The following SPIDR variants were observed in gnomAD, a reference collection of about 807,000 sequenced individuals.
SPIDR encodes the protein DNA repair-scaffolding protein.
A neutral mutation model predicts 104.6 loss-of-function variants in SPIDR; 93 were observed. That is an observed-to-expected ratio of 0.89 (90% CI 0.75 to 1.06). SPIDR has a LOEUF of 1.06. SPIDR is among the 50% of genes least tolerant of loss of function. SPIDR has a pLI of 0.00. For missense variants in SPIDR, 1,154 were observed against 1,111.2 expected (o/e 1.04, Z -0.55); for synonymous variants, 431 against 416.9 (o/e 1.03, Z -0.41).
intron 7 of SPIDR, among the ~76,000 whole-genome samples, chr8:47,416,695 T>C (rs1397938683): frequency 2.0e-5 from 3 of 152,000 alleles, no homozygotes; most frequent in African/African-American, 7.2e-5. Context: ...TATGTATATA[T>C]GTGCCATGTT....
At chr8:47,548,539 TC>T (rs2089881271) in intron 8 of SPIDR, among the ~76,000 whole-genome samples, 1 of 152,118 alleles carries the variant, frequency 6.6e-6, no homozygotes, top group Non-Finnish European at 1.5e-5. Flanking sequence ...TCCCAGCTAC[TC>T]GGGAGGCTGA....
At chr8:47,419,710 T>C (rs1224316175) in intron 7 of SPIDR, among the ~76,000 whole-genome samples, 2 of 152,210 alleles carry the variant, frequency 1.3e-5, no homozygotes, top group African/African-American at 4.8e-5. Context: ...ATTGTGATGT[T>C]AGGGTGTTAA....
At chr8:47,303,172 T>C in intron 5 of SPIDR, among the ~76,000 whole-genome samples, 1 of 152,322 alleles carries the variant, frequency 6.6e-6, no homozygotes, top group South Asian at 2.1e-4. Flanking sequence ...GCCTGGCTGC[T>C]GCCTTGCAGT....
chr8:47,312,109 C>T (rs1189636529), intron 5 of SPIDR, among the ~76,000 whole-genome samples: 8 of 152,138 alleles, frequency 5.3e-5, no homozygotes, highest in African/African-American at 1.9e-4. Flanking sequence ...TTTCTTAATC[C>T]AGTCTATCAT....
intron 10 of SPIDR, among the ~76,000 whole-genome samples, chr8:47,645,568 T>C (rs890307474): frequency 1.3e-5 from 2 of 152,122 alleles, no homozygotes; most frequent in Non-Finnish European, 2.9e-5. Flanking sequence ...CTAGTCTTTA[T>C]AAAAACACTG....
chr8:47,515,866 A>C (rs1355957368), intron 8 of SPIDR, among the ~76,000 whole-genome samples: 1 of 152,146 alleles, frequency 6.6e-6, no homozygotes, highest in East Asian at 1.9e-4. Flanking sequence ...GCTGGAGTGC[A>C]GTGGTGTGAT....
At chr8:47,506,467 T>C (rs2081501367) in intron 8 of SPIDR, among the ~76,000 whole-genome samples, 1 of 152,186 alleles carries the variant, frequency 6.6e-6, no homozygotes, top group Non-Finnish European at 1.5e-5. Context: ...ATTTAGGCAG[T>C]GTTCTGTCTT....
At chr8:47,371,158 AAG>A (rs1422199235) in intron 5 of SPIDR, among the ~76,000 whole-genome samples, 3 of 151,796 alleles carry the variant, frequency 2.0e-5, no homozygotes, top group Admixed American at 2.0e-4. Context: ...GGAAAAAAAA[AAG>A]AAAACCATTA....
At chr8:47,591,950 C>T (rs1321631351) in intron 8 of SPIDR, among the ~76,000 whole-genome samples, 2 of 152,192 alleles carry the variant, frequency 1.3e-5, no homozygotes, top group African/African-American at 4.8e-5. Flanking sequence ...CTTCTAGCTT[C>T]TGCTCATGCT....
At chr8:47,672,330 A>G (rs1401658891) in intron 10 of SPIDR, among the ~76,000 whole-genome samples, 1 of 152,154 alleles carries the variant, frequency 6.6e-6, no homozygotes, top group African/African-American at 2.4e-5. Context: ...CTGTAACTAC[A>G]TATTATTGCT....
At chr8:47,280,495 C>T (rs965629177) in intron 2 of SPIDR, among the ~76,000 whole-genome samples, 1 of 151,202 alleles carries the variant, frequency 6.6e-6, no homozygotes, top group East Asian at 1.9e-4. Context: ...CGGGTTCAAG[C>T]AATTCTCCTG....
chr8:47,488,208 A>G (rs1301285109), intron 8 of SPIDR, among the ~76,000 whole-genome samples: 1 of 152,234 alleles, frequency 6.6e-6, no homozygotes, highest in Non-Finnish European at 1.5e-5. Flanking sequence ...CTACCATCAG[A>G]GAATACTATA....
At chr8:47,361,013 A>C in intron 5 of SPIDR, 23 of 965,796 alleles carry the variant, frequency 2.4e-5, no homozygotes, top group Non-Finnish European at 2.8e-5. Context: ...TATTAAAAAT[A>C]AATAAGTGAT....
intron 5 of SPIDR, among the ~76,000 whole-genome samples, chr8:47,317,071 G>T (rs1321599582): frequency 1.3e-5 from 2 of 152,138 alleles, no homozygotes; most frequent in East Asian, 1.9e-4. Flanking sequence ...TAAGGTACTG[G>T]GTTCATCTCA....
intron 16 of SPIDR, among the ~76,000 whole-genome samples, chr8:47,716,640 G>A (rs1012729192): frequency 2.1e-4 from 32 of 152,106 alleles, no homozygotes; most frequent in Non-Finnish European, 4.4e-4. Context: ...AGACATCTCA[G>A]TACTGGTACC....
intron 1 of SPIDR, among the ~76,000 whole-genome samples, chr8:47,273,499 G>T (rs1158588420): frequency 2.6e-5 from 4 of 152,058 alleles, no homozygotes; most frequent in African/African-American, 9.7e-5. Context: ...AAGCTTCCAC[G>T]CCCTCTCTGG....
At chr8:47,496,042 A>G (rs2154368974) in intron 8 of SPIDR, among the ~76,000 whole-genome samples, 1 of 152,320 alleles carries the variant, frequency 6.6e-6, no homozygotes, top group East Asian at 1.9e-4. Flanking sequence ...ATTTTTGTAT[A>G]TTGATCTTGT....
chr8:47,597,767 T>A (rs1268662074), intron 9 of SPIDR, among the ~76,000 whole-genome samples: 1 of 152,220 alleles, frequency 6.6e-6, no homozygotes, highest in African/African-American at 2.4e-5. Flanking sequence ...TAAGCCATGA[T>A]CATGTGCCAA....
intron 11 of SPIDR, chr8:47,688,347 C>T (rs1360898296): frequency 6.6e-6 from 1 of 152,194 alleles, no homozygotes; most frequent in Non-Finnish European, 1.5e-5. Flanking sequence ...TGGTCTCGAT[C>T]TCCTGACCTC....
Sources: gnomAD v4.1 joint callset for allele counts (sites outside exome capture counted in the v4.1 genomes callset) on GRCh38, gnomAD v4.1.1 for gene constraint, MANE v1.5 for transcripts, NCBI Gene and HGNC (gene_info 2026-07-23, HGNC 2026-07-21) for gene names.